RAP2B: variants seen among roughly 807,000 people sequenced by gnomAD.
RAP2B encodes RAP2B, member of RAS oncogene family, also known as ras-related protein Rap-2b.
A neutral mutation model predicts 14.4 loss-of-function variants in RAP2B; 6 were observed. The observed-to-expected ratio is 0.42, with a 90% confidence interval of 0.23 to 0.82. The LOEUF is 0.82. Among genes scored for constraint, RAP2B ranks in the 40% least tolerant of loss-of-function variants. The pLI is 0.30. For synonymous variants in RAP2B, 118 were observed against 113.2 expected (o/e 1.04, Z -0.27); for missense variants, 137 against 248.2 (o/e 0.55, Z 3.01).
chr3:153,162,530 C>A lies in RAP2B; in HGVS notation c.-164C>A. On this transcript the variant is annotated 5_prime_UTR_variant, in exon 1 of 1. Transcript: ENST00000323534. This position sits in a 1 kb window ranked among gnomAD's most constrained non-coding sequence, Gnocchi z 4.9. ...GCCGCCGGCCGGCCCGGCGCCCGGC[C>A]TCCGTTCGGTGGTTTCCGCCCTGCG... The A allele has an allele frequency of 1.2e-6, 1 of 820,116 alleles. No individual in the cohort carries two copies. 50.8% of individuals were successfully genotyped at this position (820,116 alleles called of 1,614,324 possible).
In RAP2B at chr3:153,166,739, G is replaced by T. The variant is rs945647295; in HGVS notation, c.*3494G>T. ...GTAGACTTAATTGAATCACATTTTG[G>T]GACCAGATGTATTTGGGGATAGAAT... On this transcript the variant is annotated 3_prime_UTR_variant, in exon 1 of 1. Transcript: ENST00000323534. The T allele has an allele frequency of 1.2e-5, 2 of 166,744 alleles. No individual in the cohort carries two copies. The highest frequency in any genetic ancestry group is 2.9e-5 in the Non-Finnish European group (2 of 68,084). The allele number at this position is 166,744 out of a possible 1,614,324, so 10.3% of individuals were successfully genotyped here.
Position 153,167,021 on chromosome 3 carries a change from C to T in RAP2B, c.*3776C>T, listed in dbSNP as rs914065713. ...TTTTCACAACAGCTGGAATAAGTTCCTGCATTATAAGTATAAAGGGAACCG... is the reference window on the plus strand; with the variant it reads ...TTTTCACAACAGCTGGAATAAGTTCTTGCATTATAAGTATAAAGGGAACCG... On this transcript the variant is annotated 3_prime_UTR_variant, in exon 1 of 1. Coordinates refer to ENST00000323534, the MANE Select transcript of RAP2B (RefSeq NM_002886.4). 1.8e-5 allele frequency: 3 copies of T among 166,780 alleles called. No individual in the cohort carries two copies. The highest frequency in any genetic ancestry group is 4.4e-5 in the Non-Finnish European group (3 of 68,092). The allele number at this position is 166,780 out of a possible 1,614,324, so 10.3% of individuals were successfully genotyped here. A position where few individuals can be genotyped will look rare whatever the true frequency, so the allele number is the denominator to read the frequency against.
At position 153,162,474 on chromosome 3, in the gene RAP2B, C is replaced by G. The variant is rs74804245; in HGVS notation, c.-220C>G. 610 of 410,766 alleles carry G rather than the reference C, an allele frequency of 1.5e-3. 4 individuals carry two copies. The highest frequency in any genetic ancestry group is 0.012 in the African/African-American group (553 of 47,682). 25.4% of individuals were successfully genotyped at this position (410,766 alleles called of 1,614,324 possible). A position where few individuals can be genotyped will look rare whatever the true frequency, so the allele number is the denominator to read the frequency against. ...TGCCGCCGCGGACTGCTGCGGGGCC[C>G]GGACCCGCACCCCAGGGATACGCTG... On this transcript the variant is annotated 5_prime_UTR_variant, in exon 1 of 1. Coordinates refer to ENST00000323534, the MANE Select transcript of RAP2B (RefSeq NM_002886.4). This position sits in a 1 kb window ranked among gnomAD's most constrained non-coding sequence, Gnocchi z 4.9.
chr3:153,166,436 G>T lies in RAP2B; in HGVS notation c.*3191G>T, dbSNP rs1338918683. 1 of 167,054 alleles carries T rather than the reference G, an allele frequency of 6.0e-6. No homozygotes were observed. The highest frequency in any genetic ancestry group is 1.5e-5 in the Non-Finnish European group (1 of 68,096). 10.3% of individuals were successfully genotyped at this position (167,054 alleles called of 1,614,324 possible). A position where few individuals can be genotyped will look rare whatever the true frequency, so the allele number is the denominator to read the frequency against. Reference sequence around the variant, plus strand: ...TGAGTCAGGGAGGGCGGAGTTTGTTGTAAGGCAATCACCTGTCAAAACAGA... The same window carrying T: ...TGAGTCAGGGAGGGCGGAGTTTGTTTTAAGGCAATCACCTGTCAAAACAGA... On this transcript the variant is annotated 3_prime_UTR_variant, in exon 1 of 1. Coordinates refer to ENST00000323534, the MANE Select transcript of RAP2B (RefSeq NM_002886.4).
At position 153,164,127 on chromosome 3, in the gene RAP2B, GTGTGTGTGTGTA is replaced by G. The variant is rs1189228914; in HGVS notation, c.*891_*902del. The G allele has an allele frequency of 6.1e-6, 1 of 162,914 alleles. No homozygotes were observed. Among genetic ancestry groups the G allele is most frequent in the East Asian group, 2.0e-4 (1 of 5,120 alleles). 10.1% of individuals were successfully genotyped at this position (162,914 alleles called of 1,614,324 possible). The stretch of plus-strand genomic sequence containing the variant: ...TCTGCACATTTTCGTGTGTACTATG[GTGTGTGTGTGTA>G]TGTGTGTGGTGTGTGTGTGTTTTAA... On this transcript the variant is annotated 3_prime_UTR_variant, in exon 1 of 1. Transcript: ENST00000323534.
rs1254532609 is a variant in RAP2B, at chr3:153,166,303, GT to G, written c.*3063del. 5 of 166,840 alleles carry G rather than the reference GT, an allele frequency of 3.0e-5. No individual in the cohort carries two copies. Among genetic ancestry groups the G allele is most frequent in the African/African-American group, 9.7e-5 (4 of 41,418 alleles). 10.3% of individuals were successfully genotyped at this position (166,840 alleles called of 1,614,324 possible). The stretch of plus-strand genomic sequence containing the variant: ...ACACTGCTATTTTTTTCTTAAAAAT[GT>G]TTTTAAGAATATGTTCGTTTCTTTG... On this transcript the variant is annotated 3_prime_UTR_variant, in exon 1 of 1. Transcript: ENST00000323534.
Position 153,163,488 on chromosome 3 carries a change from C to G in RAP2B, c.*243C>G. ...GCTCTTTGCAGCATGTACGTTTCTC[C>G]CTGATTTTGGTTGATGCATATTTCC... On this transcript the variant is annotated 3_prime_UTR_variant, in exon 1 of 1. Coordinates refer to ENST00000323534, the MANE Select transcript of RAP2B (RefSeq NM_002886.4). 1.8e-6 allele frequency: 1 copy of G among 542,524 alleles called. No individual in the cohort carries two copies. The highest frequency in any genetic ancestry group is 3.2e-6 in the Non-Finnish European group (1 of 307,882). The allele number at this position is 542,524 out of a possible 1,614,324, so 33.6% of individuals were successfully genotyped here.
At position 153,170,382 on chromosome 3, in the gene RAP2B, G is replaced by A. The variant is rs902577284; in HGVS notation, c.*7137G>A. ...CTACTATTATTAATAGCTGTACTGC[G>A]AGCGCTAATACTTAAAAGAGGAAGT... On this transcript the variant is annotated 3_prime_UTR_variant, in exon 1 of 1. Coordinates refer to ENST00000323534, the MANE Select transcript of RAP2B (RefSeq NM_002886.4). The A allele has an allele frequency of 2.0e-5, 3 of 152,122 alleles. No homozygotes were observed. The highest frequency in any genetic ancestry group is 4.4e-5 in the Non-Finnish European group (3 of 68,038). 9.4% of individuals were successfully genotyped at this position (152,122 alleles called of 1,614,324 possible). A position where few individuals can be genotyped will look rare whatever the true frequency, so the allele number is the denominator to read the frequency against.
Position 153,167,392 on chromosome 3 carries a change from C to T in RAP2B, c.*4147C>T, listed in dbSNP as rs1713611188. 6.0e-6 allele frequency: 1 copy of T among 166,968 alleles called. No homozygotes were observed. Among genetic ancestry groups the T allele is most frequent in the Non-Finnish European group, 1.5e-5 (1 of 68,094 alleles). The allele number at this position is 166,968 out of a possible 1,614,324, so 10.3% of individuals were successfully genotyped here. A position where few individuals can be genotyped will look rare whatever the true frequency, so the allele number is the denominator to read the frequency against. On this transcript the variant is annotated 3_prime_UTR_variant, in exon 1 of 1. Transcript: ENST00000323534. ...TTAAAACATGTACTGCTGGGACCCT[C>T]CTCCAGTTTCTTACCCAGTGGGTCT...
At position 153,164,595 on chromosome 3, in the gene RAP2B, A is replaced by G. The variant is rs1475508808; in HGVS notation, c.*1350A>G. 1.2e-5 allele frequency: 2 copies of G among 167,042 alleles called. No individual in the cohort carries two copies. The highest frequency in any genetic ancestry group is 4.8e-5 in the African/African-American group (2 of 41,440). The allele number at this position is 167,042 out of a possible 1,614,324, so 10.3% of individuals were successfully genotyped here. On this transcript the variant is annotated 3_prime_UTR_variant, in exon 1 of 1. Transcript: ENST00000323534. ...ATTACCTGTTGTAGGGTGTTCCTCC[A>G]GAAGCAAAGAGCAAAATTTTACTGT...
rs1252997096 is a variant in RAP2B at position 153,165,239 on chromosome 3, C to T, written c.*1994C>T. ...ATGGATTGTAGACACTGCCTCAACC[C>T]TTTTGAGGTTTTGATTTGGAAATAG... On this transcript the variant is annotated 3_prime_UTR_variant, in exon 1 of 1. Transcript: ENST00000323534. 1 of 167,044 alleles carries T rather than the reference C, an allele frequency of 6.0e-6. No homozygotes were observed. The highest frequency in any genetic ancestry group is 1.5e-5 in the Non-Finnish European group (1 of 68,122). The allele number at this position is 167,044 out of a possible 1,614,324, so 10.3% of individuals were successfully genotyped here.
rs1211551160 is a variant in RAP2B at position 153,166,585 on chromosome 3, C to A, written c.*3340C>A. 1 of 167,020 alleles carries A rather than the reference C, an allele frequency of 6.0e-6. No homozygotes were observed. Among genetic ancestry groups the A allele is most frequent in the Non-Finnish European group, 1.5e-5 (1 of 68,088 alleles). The allele number at this position is 167,020 out of a possible 1,614,324, so 10.3% of individuals were successfully genotyped here. A position where few individuals can be genotyped will look rare whatever the true frequency, so the allele number is the denominator to read the frequency against. ...AGTCAATCCAGGTTTTATGTTATTT[C>A]AAAAGGGTTATTTTTGTCCTCCTTT... is the stretch of plus-strand genomic sequence containing the variant. On this transcript the variant is annotated 3_prime_UTR_variant, in exon 1 of 1. Coordinates refer to ENST00000323534, the MANE Select transcript of RAP2B (RefSeq NM_002886.4).
chr3:153,163,422 G>T lies in RAP2B; in HGVS notation c.*177G>T. The T allele has an allele frequency of 1.3e-6, 1 of 793,978 alleles. No homozygotes were observed. The allele number at this position is 793,978 out of a possible 1,614,324, so 49.2% of individuals were successfully genotyped here. On this transcript the variant is annotated 3_prime_UTR_variant, in exon 1 of 1. Transcript: ENST00000323534. ...CCTGCCTCCACCCTGTGCCCGAGGG[G>T]GTGTCCGGTCCTGCCCATCCGATAC... is the stretch of plus-strand genomic sequence containing the variant.
In RAP2B at chr3:153,163,664, CTTTTT is replaced by C. The variant is rs397953060; in HGVS notation, c.*436_*440del. 1 of 61,074 alleles carries C rather than the reference CTTTTT, an allele frequency of 1.6e-5. No homozygotes were observed. 3.8% of individuals were successfully genotyped at this position (61,074 alleles called of 1,614,324 possible). A position where few individuals can be genotyped will look rare whatever the true frequency, so the allele number is the denominator to read the frequency against. On this transcript the variant is annotated 3_prime_UTR_variant, in exon 1 of 1. Coordinates refer to ENST00000323534, the MANE Select transcript of RAP2B (RefSeq NM_002886.4). ...TTTTTTTTTTTTTTCTATTTTCTTT[CTTTTT>C]TTTTTTTTTTTTTTTTGGTCAACAG... is the stretch of plus-strand genomic sequence containing the variant.
Position 153,166,957 on chromosome 3 carries a change from A to G in RAP2B, c.*3712A>G, listed in dbSNP as rs1282511977. On this transcript the variant is annotated 3_prime_UTR_variant, in exon 1 of 1. Coordinates refer to ENST00000323534, the MANE Select transcript of RAP2B (RefSeq NM_002886.4). ...TATGTAGCAGCTGGTCTTGAGAAGTAGAAGCATCTTAACTGTCATAAGAGC... is the reference window on the plus strand; with the variant it reads ...TATGTAGCAGCTGGTCTTGAGAAGTGGAAGCATCTTAACTGTCATAAGAGC... 4 of 166,934 alleles carry G rather than the reference A, an allele frequency of 2.4e-5. No individual in the cohort carries two copies. Among genetic ancestry groups the G allele is most frequent in the Non-Finnish European group, 5.9e-5 (4 of 68,108 alleles). 10.3% of individuals were successfully genotyped at this position (166,934 alleles called of 1,614,324 possible).
In RAP2B at chr3:153,162,429, T is replaced by TGG; in HGVS notation, c.-265_-264insGG. On this transcript the variant is annotated 5_prime_UTR_variant, in exon 1 of 1. Transcript: ENST00000323534. This position sits in a 1 kb window ranked among gnomAD's most constrained non-coding sequence, Gnocchi z 4.9. ...CAGGCTGCGGGCATTGTCCTCTCGG[T>TGG]TCGCCGCCCGGGCTGCTGCTGCCGC... is the stretch of plus-strand genomic sequence containing the variant. The TGG allele has an allele frequency of 3.6e-6, 1 of 275,992 alleles. No individual in the cohort carries two copies. The highest frequency in any genetic ancestry group is 6.7e-6 in the Non-Finnish European group (1 of 149,776). The allele number at this position is 275,992 out of a possible 1,614,324, so 17.1% of individuals were successfully genotyped here.
At position 153,168,333 on chromosome 3, in the gene RAP2B, A is replaced by G. The variant is rs976386971; in HGVS notation, c.*5088A>G. Reference sequence around the variant, plus strand: ...ATAGACTGAGGGAGTAGTAGCTACTATTTAGATGCTGAGAATAATATTATC... The same window carrying G: ...ATAGACTGAGGGAGTAGTAGCTACTGTTTAGATGCTGAGAATAATATTATC... On this transcript the variant is annotated 3_prime_UTR_variant, in exon 1 of 1. Transcript: ENST00000323534. 2 of 167,058 alleles carry G rather than the reference A, an allele frequency of 1.2e-5. No individual in the cohort carries two copies. Among genetic ancestry groups the G allele is most frequent in the African/African-American group, 2.4e-5 (1 of 41,452 alleles). 10.3% of individuals were successfully genotyped at this position (167,058 alleles called of 1,614,324 possible).
chr3:153,162,800 T>A lies in RAP2B; in HGVS notation c.107T>A (p.Ile36Asn). The stretch of plus-strand genomic sequence containing the variant: ...TTCATCGAGAAGTACGACCCGACCA[T>A]CGAAGACTTTTACCGCAAGGAGATT... ...GSFIEKYDPTIEDFYRKEIEV... is the reference protein window; with the variant it reads ...GSFIEKYDPTNEDFYRKEIEV... Residue 36 changes from isoleucine (I) to asparagine (N), a missense_variant, in exon 1 of 1, where the codon ATC (isoleucine) becomes AAC (asparagine). Coordinates refer to ENST00000323534, the MANE Select transcript of RAP2B (RefSeq NM_002886.4). This position sits in a 1 kb window ranked among gnomAD's most constrained non-coding sequence, Gnocchi z 4.9. 6.2e-7 allele frequency: 1 copy of A among 1,614,032 alleles called. No individual in the cohort carries two copies. Among genetic ancestry groups the A allele is most frequent in the Non-Finnish European group, 8.5e-7 (1 of 1,180,008 alleles).
chr3:153,162,429 T>A lies in RAP2B; in HGVS notation c.-265T>A. On this transcript the variant is annotated 5_prime_UTR_variant, in exon 1 of 1. Coordinates refer to ENST00000323534, the MANE Select transcript of RAP2B (RefSeq NM_002886.4). The surrounding 1 kb of genome is among the most constrained non-coding windows in gnomAD (Gnocchi z 4.9). ...CAGGCTGCGGGCATTGTCCTCTCGGTTCGCCGCCCGGGCTGCTGCTGCCGC... is the reference window on the plus strand; with the variant it reads ...CAGGCTGCGGGCATTGTCCTCTCGGATCGCCGCCCGGGCTGCTGCTGCCGC... 3.6e-6 allele frequency: 1 copy of A among 275,994 alleles called. No homozygotes were observed. Among genetic ancestry groups the A allele is most frequent in the Non-Finnish European group, 6.7e-6 (1 of 149,778 alleles). 17.1% of individuals were successfully genotyped at this position (275,994 alleles called of 1,614,324 possible). A position where few individuals can be genotyped will look rare whatever the true frequency, so the allele number is the denominator to read the frequency against.
Sources: gnomAD v4.1 joint callset for allele counts on GRCh38, gnomAD v4.1.1 for gene constraint, Gnocchi (gnomAD v3.1) non-coding constraint, MANE v1.5 for transcripts, NCBI Gene and HGNC (gene_info 2026-07-23, HGNC 2026-07-21) for gene names.